COL23A1: variants seen among roughly 807,000 people sequenced by gnomAD.
COL23A1 encodes collagen type XXIII alpha 1 chain, also known as collagen alpha-1(XXIII) chain.
COL23A1 carries 97 observed loss-of-function variants against 99.3 expected under a neutral mutation model. The observed-to-expected ratio is 0.98, with a 90% CI of 0.83 to 1.16. The LOEUF (loss-of-function observed/expected upper bound fraction) is 1.16. Among genes scored for constraint, COL23A1 ranks in the 50% most tolerant of loss-of-function variants. The probability of loss-of-function intolerance (pLI) is 0.00; values close to 1 mark genes in which losing one functional copy is unlikely to be tolerated. For synonymous variants in COL23A1, 320 were observed against 308.2 expected (o/e 1.04, Z -0.40); for missense variants, 762 against 757.4 (o/e 1.01, Z -0.07).
At chr5:178,547,549 A>AC (rs1168479372) in intron 2 of COL23A1, among the ~76,000 whole-genome samples, 21 of 59,948 alleles carry the variant, frequency 3.5e-4, no homozygotes, top group African/African-American at 1.3e-3. Context: ...ACACCCACAC[A>AC]CCCCCATACA....
chr5:178,491,660 C>T (rs771293303), intron 2 of COL23A1, among the ~76,000 whole-genome samples: 21 of 152,176 alleles, frequency 1.4e-4, no homozygotes, highest in African/African-American at 1.9e-4. Flanking sequence ...GGAGATTCCA[C>T]GTCCCCTCGA....
At chr5:178,299,135 C>T (rs1757900641) in intron 3 of COL23A1, among the ~76,000 whole-genome samples, 1 of 152,106 alleles carries the variant, frequency 6.6e-6, no homozygotes, top group East Asian at 1.9e-4. Context: ...ATGTCTTTGT[C>T]TAGTTTTGGT....
intron 16 of COL23A1, among the ~76,000 whole-genome samples, chr5:178,253,783 G>GAT (rs1471616976): frequency 6.6e-6 from 1 of 152,066 alleles, no homozygotes; most frequent in African/African-American, 2.4e-5. Flanking sequence ...GCCCGGCCGT[G>GAT]TTTTTATTTT....
intron 2 of COL23A1, among the ~76,000 whole-genome samples, chr5:178,339,961 T>G (rs1760560363): frequency 6.6e-6 from 1 of 152,196 alleles, no homozygotes; most frequent in South Asian, 2.1e-4. Flanking sequence ...AAAATGTGAT[T>G]CTGCAACAAT....
At chr5:178,420,283 C>T (rs538692608) in intron 2 of COL23A1, among the ~76,000 whole-genome samples, 2 of 152,048 alleles carry the variant, frequency 1.3e-5, no homozygotes, top group Admixed American at 6.5e-5. Context: ...CAAGAGCGCC[C>T]GTGGGCAGCA....
intron 3 of COL23A1, among the ~76,000 whole-genome samples, chr5:178,294,126 C>CA (rs1252151940): frequency 6.6e-6 from 1 of 152,088 alleles, no homozygotes; most frequent in East Asian, 1.9e-4. Flanking sequence ...TCATAGTTCT[C>CA]AAAATGCAGA....
intron 2 of COL23A1, among the ~76,000 whole-genome samples, chr5:178,367,807 G>T (rs1309891150): frequency 6.6e-6 from 1 of 152,258 alleles, no homozygotes; most frequent in African/African-American, 2.4e-5. Flanking sequence ...TGGGTGCGCA[G>T]GTACACGTGA....
At chr5:178,490,052 G>T (rs1250041942) in intron 2 of COL23A1, among the ~76,000 whole-genome samples, 1 of 151,946 alleles carries the variant, frequency 6.6e-6, no homozygotes, top group African/African-American at 2.4e-5. Flanking sequence ...TGGCCAAAAT[G>T]GTGAAACCCT....
intron 2 of COL23A1, among the ~76,000 whole-genome samples, chr5:178,539,301 A>G (rs972794299): frequency 1.6e-4 from 25 of 152,096 alleles, no homozygotes; most frequent in African/African-American, 5.8e-4. Context: ...AATCCCAGCA[A>G]TTTGGGAAGC....
chr5:178,449,863 G>A (rs1241086272), intron 2 of COL23A1, among the ~76,000 whole-genome samples: 4 of 152,060 alleles, frequency 2.6e-5, no homozygotes, highest in South Asian at 4.2e-4. Flanking sequence ...TGGACTTCAC[G>A]CGTTGTGTCC....
At chr5:178,512,414 T>C (rs973710314) in intron 2 of COL23A1, among the ~76,000 whole-genome samples, 1 of 152,232 alleles carries the variant, frequency 6.6e-6, no homozygotes, top group African/African-American at 2.4e-5. Flanking sequence ...ATTTATGGAC[T>C]TTCCTGAACC....
intron 2 of COL23A1, among the ~76,000 whole-genome samples, chr5:178,402,216 C>T (rs769736592): frequency 9.2e-5 from 14 of 151,812 alleles, no homozygotes; most frequent in East Asian, 3.9e-4. Context: ...ACTGGCTGGG[C>T]GTGGTGGCTC....
At position 178,344,890 on chromosome 5, in the gene COL23A1, G is replaced by A. The variant is rs566948021; in HGVS notation, c.362-37971C>T. On this transcript the variant is annotated intron_variant, in intron 2 of 28. Transcript: ENST00000390654. ...GCATTACCAGAAGAGTCTTCATGTG[G>A]ACAGTCTCAGGGACAACACGTAGAG... is the stretch of plus-strand genomic sequence containing the variant. 1.2e-5 allele frequency: 9 copies of A among 779,174 alleles called. No individual in the cohort carries two copies. The African/African-American group carries it at 1.4e-4, about 12-fold the overall frequency. 48.3% of individuals were successfully genotyped at this position (779,174 alleles called of 1,614,324 possible). A position where few individuals can be genotyped will look rare whatever the true frequency, so the allele number is the denominator to read the frequency against.
At chr5:178,529,445 G>A (rs1297972334) in intron 2 of COL23A1, among the ~76,000 whole-genome samples, 5 of 152,240 alleles carry the variant, frequency 3.3e-5, no homozygotes, top group African/African-American at 1.2e-4. Flanking sequence ...GTGCAACTGT[G>A]TAACACTGAG....
chr5:178,590,065 C>T lies in COL23A1; in HGVS notation c.133G>A (p.Val45Met). The change falls in exon 1 of 29, where the codon GTG becomes ATG. Residue 45 changes from valine to methionine, a missense_variant. Coordinates refer to ENST00000390654, the MANE Select transcript of COL23A1 (RefSeq NM_173465.4). The surrounding 1 kb of genome is among the most constrained non-coding windows in gnomAD (Gnocchi z 5.7). Reference protein sequence around the residue: ...AVSALCLLLSVGSAAACLLLG... With the variant: ...AVSALCLLLSMGSAAACLLLG... Reference sequence around the variant, plus strand: ...AGCAGGCAGGCAGCCGCCGAGCCCACGGAGAGCAGCAGGCACAGCGCGCTC... The same window carrying T: ...AGCAGGCAGGCAGCCGCCGAGCCCATGGAGAGCAGCAGGCACAGCGCGCTC... 2.2e-6 allele frequency: 3 copies of T among 1,341,748 alleles called. No individual in the cohort carries two copies. The highest frequency in any genetic ancestry group is 1.8e-5 in the South Asian group (1 of 56,866). The allele number at this position is 1,341,748 out of a possible 1,614,324, so 83.1% of individuals were successfully genotyped here. A position where few individuals can be genotyped will look rare whatever the true frequency, so the allele number is the denominator to read the frequency against.
intron 27 of COL23A1, among the ~76,000 whole-genome samples, chr5:178,240,267 G>A (rs377456733): frequency 1.3e-5 from 2 of 152,358 alleles, no homozygotes; most frequent in East Asian, 3.9e-4. Context: ...ATGAGCCTCA[G>A]ACACTGGGCA....
intron 5 of COL23A1, among the ~76,000 whole-genome samples, chr5:178,283,935 C>T (rs751669802): frequency 1.3e-5 from 2 of 152,232 alleles, no homozygotes; most frequent in Non-Finnish European, 2.9e-5. Context: ...AAGACTGTGA[C>T]TGGGCCTGAT....
intron 2 of COL23A1, among the ~76,000 whole-genome samples, chr5:178,500,970 G>A (rs933559660): frequency 7.2e-5 from 11 of 152,022 alleles, no homozygotes; most frequent in Non-Finnish European, 1.0e-4. Context: ...ATGACTTCTC[G>A]ACTAAGGATT....
chr5:178,546,376 A>G (rs940644327), intron 2 of COL23A1, among the ~76,000 whole-genome samples: 1 of 152,196 alleles, frequency 6.6e-6, no homozygotes, highest in Non-Finnish European at 1.5e-5. Flanking sequence ...CTAGATAGGC[A>G]GAGGAGCTGG....
Sources: allele counts gnomAD v4.1 joint callset (sites outside exome capture counted in the v4.1 genomes callset), GRCh38; gene constraint gnomAD v4.1.1; non-coding constraint Gnocchi (gnomAD v3.1); transcripts MANE v1.5; gene names NCBI Gene and HGNC (gene_info 2026-07-23, HGNC 2026-07-21).